The following EIF3L variants were observed in gnomAD, a reference collection of about 807,000 sequenced individuals.
The protein encoded by EIF3L is eIEF associated protein HSPC021.
A neutral mutation model predicts 74.6 loss-of-function variants in EIF3L; 32 were observed. That is an observed-to-expected ratio of 0.43 (90% CI 0.32 to 0.58). The LOEUF (loss-of-function observed/expected upper bound fraction) is 0.58, where lower values mean the gene tolerates loss of function less well. EIF3L is among the 20% of genes least tolerant of loss of function. The probability of loss-of-function intolerance (pLI) is 0.06; values close to 1 mark genes in which losing one functional copy is unlikely to be tolerated. For synonymous variants in EIF3L, 256 were observed against 254.4 expected (o/e 1.01, Z -0.06); for missense variants, 474 against 707.8 (o/e 0.67, Z 3.75).
Position 37,854,996 on chromosome 22 carries a change from C to G in EIF3L, c.294-569C>G, listed in dbSNP as rs1049493505. Reference sequence around the variant, plus strand: ...TGTTTATATGTTGGACTAAAAGAGCCAGAGAAGCAGGAGGGGTGGGGCTTG... The same window carrying G: ...TGTTTATATGTTGGACTAAAAGAGCGAGAGAAGCAGGAGGGGTGGGGCTTG... On this transcript the variant is annotated intron_variant, in intron 3 of 12. Transcript: ENST00000652021. Among the ~76,000 whole-genome samples, 21 of 152,074 alleles carry G rather than the reference C, an allele frequency of 1.4e-4. No homozygotes were observed. The East Asian group carries it at 3.3e-3, about 24-fold the overall frequency.
In EIF3L at chr22:37,850,584, C is replaced by T. The variant is rs572240390; in HGVS notation, c.82+521C>T. On this transcript the variant is annotated intron_variant, in intron 2 of 12. Coordinates refer to ENST00000652021, the MANE Select transcript of EIF3L (RefSeq NM_016091.4). ...GAACTCCTGACCTCAGGTGATCCAC[C>T]CGCCCCAACCTCCCAAAGTGCTGGG... The T allele has an allele frequency of 5.1e-4, 90 of 176,206 alleles. No individual in the cohort carries two copies. The South Asian group carries it at 7.8e-3, about 15-fold the overall frequency. 10.9% of individuals were successfully genotyped at this position (176,206 alleles called of 1,614,324 possible).
At chr22:37,863,182 T>G in intron 6 of EIF3L, 90 bp from the exon 7 acceptor site, 2 of 1,273,764 alleles carry the variant, frequency 1.6e-6, no homozygotes, top group Non-Finnish European at 2.2e-6. Flanking sequence ...TCATGGTCCT[T>G]TTAAGAGAGA....
intron 7 of EIF3L, among the ~76,000 whole-genome samples, chr22:37,866,771 G>A (rs568129837): frequency 6.6e-6 from 1 of 152,164 alleles, no homozygotes; most frequent in African/African-American, 2.4e-5. Flanking sequence ...GGGTGACAAA[G>A]CAAGACTCTG....
At chr22:37,870,049 A>T in intron 7 of EIF3L, 127 bp from the exon 8 acceptor site, 1 of 695,096 alleles carries the variant, frequency 1.4e-6, no homozygotes, top group South Asian at 2.1e-5. Context: ...TTAGAATGAG[A>T]AGTGGTCATC....
chr22:37,880,363 T>C (rs2145839350), intron 11 of EIF3L: 1 of 152,300 alleles, frequency 6.6e-6, no homozygotes, highest in East Asian at 1.9e-4. Context: ...TCCACCCACC[T>C]CGGCCTACCA....
intron 2 of EIF3L, chr22:37,850,528 G>A (rs1354886278): frequency 2.2e-5 from 5 of 226,404 alleles, no homozygotes; most frequent in East Asian, 2.9e-4. Context: ...TAATAGAGAC[G>A]AGGTTTCGCC....
chr22:37,868,829 A>G (rs1295953352), intron 7 of EIF3L, among the ~76,000 whole-genome samples: 1 of 151,188 alleles, frequency 6.6e-6, no homozygotes, highest in Non-Finnish European at 1.5e-5. Context: ...TTTTGTACAG[A>G]TGGGGTTTCT....
intron 11 of EIF3L, chr22:37,878,433 A>C (rs1249664783): frequency 5.4e-5 from 16 of 298,660 alleles, no homozygotes; most frequent in South Asian, 1.1e-4. Context: ...AAAAAAAAAA[A>C]AAACACAAGA....
intron 7 of EIF3L, among the ~76,000 whole-genome samples, chr22:37,869,649 G>A (rs756632253): frequency 6.6e-6 from 1 of 152,116 alleles, no homozygotes; most frequent in Admixed American, 6.6e-5. Context: ...CTCTGTGTTC[G>A]TTGTGCTTGG....
intron 10 of EIF3L, chr22:37,876,611 T>C (rs1219493759): frequency 2.0e-5 from 3 of 152,310 alleles, no homozygotes; most frequent in East Asian, 1.9e-4. Flanking sequence ...AAATGAACTT[T>C]TAATGGCTAG....
chr22:37,888,408 C>G lies in EIF3L; in HGVS notation c.1657-18C>G. 6.2e-7 allele frequency: 1 copy of G among 1,613,822 alleles called. No homozygotes were observed. The highest frequency in any genetic ancestry group is 1.1e-5 in the South Asian group (1 of 91,038). ...GGGGAAATCCCCGTATGTAACTTTG[C>G]TTTTCTTTCTCTTCTAGCTTAATCG... On this transcript the variant is annotated intron_variant, in intron 12 of 12. Transcript: ENST00000652021.
chr22:37,874,297 G>A, intron 8 of EIF3L, 73 bp from the exon 9 acceptor site: 3 of 1,517,450 alleles, frequency 2.0e-6, no homozygotes, highest in Non-Finnish European at 2.7e-6. Flanking sequence ...TGCCTACTGA[G>A]TAACATTCAG....
At chr22:37,850,762 T>C (rs1442818934) in intron 2 of EIF3L, among the ~76,000 whole-genome samples, 2 of 152,260 alleles carry the variant, frequency 1.3e-5, no homozygotes, top group Non-Finnish European at 2.9e-5. Flanking sequence ...GTCAGTGTTA[T>C]CCATTGTTCT....
chr22:37,888,252 T>C (rs1380657124), intron 12 of EIF3L, 174 bp from the exon 13 acceptor site: 2 of 640,434 alleles, frequency 3.1e-6, no homozygotes, highest in Non-Finnish European at 5.6e-6. Flanking sequence ...GCGTGAACTG[T>C]GCAGGGCCAT....
intron 10 of EIF3L, chr22:37,876,226 A>G: frequency 2.0e-6 from 1 of 492,702 alleles, no homozygotes; most frequent in East Asian, 3.4e-5. Flanking sequence ...ACCTCCTGGG[A>G]TCAGGCGATC....
intron 9 of EIF3L, among the ~76,000 whole-genome samples, chr22:37,874,895 A>ATTTTTTTTT (rs35994639): frequency 0.014 from 1,629 of 113,068 alleles, no homozygotes; most frequent in Non-Finnish European, 0.022. Context: ...TGCCCAGCTA[A>ATTTTTTTTT]TTTTTTTTTT....
At chr22:37,854,186 T>C (rs1042813786) in intron 3 of EIF3L, among the ~76,000 whole-genome samples, 7 of 152,072 alleles carry the variant, frequency 4.6e-5, no homozygotes, top group Non-Finnish European at 2.9e-5. Flanking sequence ...AAGTGAAAAG[T>C]AGATAGTAAA....
chr22:37,870,096 G>T, intron 7 of EIF3L, 80 bp from the exon 8 acceptor site: 1 of 1,320,772 alleles, frequency 7.6e-7, no homozygotes, highest in Non-Finnish European at 1.0e-6. Flanking sequence ...CCAGAGCATT[G>T]CCTCGTTTTC....
intron 4 of EIF3L, among the ~76,000 whole-genome samples, chr22:37,857,849 A>G (rs1212799582): frequency 6.6e-6 from 1 of 151,964 alleles, no homozygotes; most frequent in Admixed American, 6.6e-5. Flanking sequence ...ATTTACTCTC[A>G]ATTGACTAAA....
Sources: gnomAD v4.1 joint callset for allele counts (sites outside exome capture counted in the v4.1 genomes callset) on GRCh38, gnomAD v4.1.1 for gene constraint, MANE v1.5 for transcripts, NCBI Gene and HGNC (gene_info 2026-07-23, HGNC 2026-07-21) for gene names.